The following DGKI variants were observed in gnomAD, a reference collection of about 807,000 sequenced individuals.
The protein encoded by DGKI is DAG kinase iota.
Under a neutral mutation model 147.5 loss-of-function variants are expected in DGKI, and 55 were observed. The ratio of observed to expected loss-of-function variants is 0.37; its 90% CI spans 0.30 to 0.47. The LOEUF is 0.47. Among genes scored for constraint, DGKI ranks in the 20% least tolerant of loss-of-function variants. The pLI, the probability that DGKI is intolerant of heterozygous loss-of-function variation, is 1.00. For missense variants in DGKI, 1,007 were observed against 1,323.8 expected (o/e 0.76, Z 3.71); for synonymous variants, 469 against 477.1 (o/e 0.98, Z 0.22).
At chr7:137,623,335 T>G in intron 7 of DGKI, 148 bp downstream of exon 7, 1 of 701,732 alleles carries the variant, frequency 1.4e-6, no homozygotes, top group Non-Finnish European at 2.5e-6. Flanking sequence ...AGTTTCAGTC[T>G]GTCTTTCTTC....
chr7:137,658,568 A>G (rs1186173492), intron 3 of DGKI, among the ~76,000 whole-genome samples: 2 of 152,294 alleles, frequency 1.3e-5, no homozygotes, highest in East Asian at 1.9e-4. Context: ...CTCCTTGCCA[A>G]TAACTCCTGT....
At chr7:137,537,338 T>C (rs1817553142) in intron 20 of DGKI, among the ~76,000 whole-genome samples, 2 of 152,234 alleles carry the variant, frequency 1.3e-5, no homozygotes, top group South Asian at 4.1e-4. Context: ...GCAAATAGCA[T>C]GCCTTTAAAT....
chr7:137,471,228 A>T (rs1440597383), intron 23 of DGKI, among the ~76,000 whole-genome samples: 1 of 152,116 alleles, frequency 6.6e-6, no homozygotes, highest in Non-Finnish European at 1.5e-5. Context: ...TGTGGGGAAG[A>T]CACTGGGAGT....
At chr7:137,719,896 C>G (rs577822582) in intron 1 of DGKI, among the ~76,000 whole-genome samples, 2 of 152,170 alleles carry the variant, frequency 1.3e-5, no homozygotes, top group South Asian at 4.2e-4. Flanking sequence ...AGACAGTAAC[C>G]TGGTCCTGAA....
chr7:137,739,091 G>C (rs1795103915), intron 1 of DGKI, among the ~76,000 whole-genome samples: 1 of 152,082 alleles, frequency 6.6e-6, no homozygotes, highest in Admixed American at 6.5e-5. Flanking sequence ...GCAGTTTGTG[G>C]ACTGAAAATA....
At chr7:137,506,393 G>A (rs1816369644) in intron 21 of DGKI, among the ~76,000 whole-genome samples, 1 of 152,188 alleles carries the variant, frequency 6.6e-6, no homozygotes, top group South Asian at 2.1e-4. Context: ...TGAAATTCTG[G>A]AAAGGGCAAA....
chr7:137,635,987 G>A (rs892364900), intron 6 of DGKI, among the ~76,000 whole-genome samples: 1 of 152,130 alleles, frequency 6.6e-6, no homozygotes, highest in African/African-American at 2.4e-5. Context: ...AGTTACTTTG[G>A]AATTTTTGTG....
At chr7:137,806,595 G>A (rs1347709673) in intron 1 of DGKI, among the ~76,000 whole-genome samples, 13 of 152,032 alleles carry the variant, frequency 8.6e-5, no homozygotes, top group Non-Finnish European at 1.3e-4. Context: ...CAACACGCCC[G>A]GCTAATTTTT....
chr7:137,739,477 A>C (rs1324959066), intron 1 of DGKI, among the ~76,000 whole-genome samples: 1 of 152,152 alleles, frequency 6.6e-6, no homozygotes, highest in Non-Finnish European at 1.5e-5. Context: ...AATCTGCCAA[A>C]GAGGAAAAAT....
chr7:137,574,776 G>C (rs1230374730), intron 17 of DGKI, among the ~76,000 whole-genome samples: 2 of 152,022 alleles, frequency 1.3e-5, no homozygotes, highest in Admixed American at 1.3e-4. Context: ...TAAATAACAA[G>C]AAGAAAATAT....
intron 1 of DGKI, among the ~76,000 whole-genome samples, chr7:137,750,969 C>T (rs1252683309): frequency 6.6e-6 from 1 of 152,064 alleles, no homozygotes; most frequent in Non-Finnish European, 1.5e-5. Flanking sequence ...TCTCTCGGCC[C>T]CCGTCTTTTC....
chr7:137,716,503 C>T (rs1434159611), intron 1 of DGKI, among the ~76,000 whole-genome samples: 1 of 152,120 alleles, frequency 6.6e-6, no homozygotes, highest in Non-Finnish European at 1.5e-5. Context: ...AACATAAAGC[C>T]AGAGATGCCA....
chr7:137,711,706 T>C (rs1386911918), intron 1 of DGKI, among the ~76,000 whole-genome samples: 2 of 146,156 alleles, frequency 1.4e-5, no homozygotes, highest in Admixed American at 6.9e-5. Context: ...TTTTTTTTTT[T>C]TTTTTTAAGA....
intron 12 of DGKI, among the ~76,000 whole-genome samples, chr7:137,593,749 A>G (rs1819695933): frequency 6.6e-6 from 1 of 152,252 alleles, no homozygotes; most frequent in Non-Finnish European, 1.5e-5. Flanking sequence ...ACTATTTTAG[A>G]TAAATAAAAT....
intron 1 of DGKI, among the ~76,000 whole-genome samples, chr7:137,806,739 T>G (rs1175502953): frequency 6.6e-6 from 1 of 152,198 alleles, no homozygotes; most frequent in Non-Finnish European, 1.5e-5. Context: ...GGCCTGAACC[T>G]CTGCATCTAT....
chr7:137,438,098 C>A (rs916633913), intron 28 of DGKI, among the ~76,000 whole-genome samples: 1 of 151,980 alleles, frequency 6.6e-6, no homozygotes, highest in Non-Finnish European at 1.5e-5. Context: ...TAAAGAATAT[C>A]CATCTATTCA....
intron 1 of DGKI, among the ~76,000 whole-genome samples, chr7:137,736,465 G>T (rs1795026283): frequency 6.6e-6 from 1 of 152,080 alleles, no homozygotes; most frequent in African/African-American, 2.4e-5. Context: ...GGGATTAATA[G>T]CAGACCTTAC....
chr7:137,539,497 G>C (rs1222272304), intron 20 of DGKI, among the ~76,000 whole-genome samples: 1 of 151,874 alleles, frequency 6.6e-6, no homozygotes, highest in African/African-American at 2.4e-5. Context: ...TGAACTACAG[G>C]GTAGAACTCC....
Position 137,468,127 on chromosome 7 carries a change from T to C in DGKI, c.2444-1185A>G, listed in dbSNP as rs1164090898. 7.9e-5 allele frequency among the ~76,000 whole-genome samples: 12 copies of C among 152,288 alleles called. No homozygotes were observed. In the East Asian group the frequency reaches 2.3e-3, roughly 29 times the overall value. ...GAAAAACTCAAAATGCAAGCACTTA[T>C]TTAAAATTCACAAACATTTAATGAG... On this transcript the variant is annotated intron_variant, in intron 24 of 32. Coordinates refer to ENST00000614521, the MANE Select transcript of DGKI (RefSeq NM_001321708.2).
Sources: gnomAD v4.1 joint callset for allele counts (sites outside exome capture counted in the v4.1 genomes callset) on GRCh38, gnomAD v4.1.1 for gene constraint, MANE v1.5 for transcripts, NCBI Gene and HGNC (gene_info 2026-07-23, HGNC 2026-07-21) for gene names.